The following SYCP2L variants were observed in gnomAD, a reference collection of about 807,000 sequenced individuals.
The protein encoded by SYCP2L is synaptonemal complex protein 2-like.
In SYCP2L, 98 loss-of-function variants were observed where a neutral mutation model predicts 125.8. The observed-to-expected ratio is 0.78, with a 90% CI of 0.66 to 0.92. SYCP2L has a LOEUF of 0.92. SYCP2L is among the 40% of genes least tolerant of loss of function. The pLI, the probability that SYCP2L is intolerant of heterozygous loss-of-function variation, is 0.00. For synonymous variants in SYCP2L, 317 were observed against 325.4 expected (o/e 0.97, Z 0.28); for missense variants, 842 against 936.4 (o/e 0.90, Z 1.32).
At chr6:10,970,432 C>T (rs1581848748) in intron 29 of SYCP2L, among the ~76,000 whole-genome samples, 2 of 152,172 alleles carry the variant, frequency 1.3e-5, no homozygotes, top group East Asian at 3.9e-4. Flanking sequence ...ATTCCAATTG[C>T]AATGAATGGG....
chr6:10,953,065 G>C (rs1006351554), intron 23 of SYCP2L, among the ~76,000 whole-genome samples: 1 of 152,068 alleles, frequency 6.6e-6, no homozygotes, highest in African/African-American at 2.4e-5. Flanking sequence ...TTCAGTTTAT[G>C]AAAGTACTAT....
At chr6:10,895,402 C>T (rs1337149729) in intron 4 of SYCP2L, among the ~76,000 whole-genome samples, 4 of 152,084 alleles carry the variant, frequency 2.6e-5, no homozygotes, top group Non-Finnish European at 5.9e-5. Flanking sequence ...TGGCCGGGGT[C>T]GGGTCGTACA....
intron 14 of SYCP2L, among the ~76,000 whole-genome samples, chr6:10,916,196 T>A (rs1021544516): frequency 3.3e-5 from 5 of 152,204 alleles, no homozygotes; most frequent in African/African-American, 1.2e-4. Context: ...CTGAGTTTAT[T>A]TGGATTTTCT....
intron 21 of SYCP2L, among the ~76,000 whole-genome samples, chr6:10,937,092 A>G (rs1360914951): frequency 6.6e-6 from 1 of 152,240 alleles, no homozygotes; most frequent in Non-Finnish European, 1.5e-5. Context: ...AGATGAATCT[A>G]ACTAACATAT....
intron 2 of SYCP2L, 68 bp downstream of exon 2, chr6:10,891,649 G>GC: frequency 3.7e-6 from 3 of 813,328 alleles, no homozygotes; most frequent in East Asian, 3.0e-5. Context: ...GTGTGTGTGT[G>GC]TGTGTGTGTG....
chr6:10,898,904 T>A (rs1397203818), intron 6 of SYCP2L, 56 bp downstream of exon 6: 2 of 1,089,418 alleles, frequency 1.8e-6, no homozygotes, highest in Non-Finnish European at 2.7e-6. Flanking sequence ...TAGAATATTC[T>A]GGCACAGAGA....
intron 29 of SYCP2L, among the ~76,000 whole-genome samples, chr6:10,971,694 G>GTT (rs151337465): frequency 1.3e-4 from 19 of 151,418 alleles, no homozygotes; most frequent in South Asian, 6.3e-4. Context: ...TTTTGTTTTT[G>GTT]TTTTTTTGAG....
chr6:10,948,181 G>A (rs375769981), intron 23 of SYCP2L, among the ~76,000 whole-genome samples: 4 of 152,046 alleles, frequency 2.6e-5, no homozygotes, highest in East Asian at 3.9e-4. Flanking sequence ...AGTTATCTTT[G>A]TGTGTGTGTA....
intron 14 of SYCP2L, among the ~76,000 whole-genome samples, chr6:10,913,380 C>T (rs1303571526): frequency 6.6e-6 from 1 of 152,172 alleles, no homozygotes; most frequent in Non-Finnish European, 1.5e-5. Context: ...TGCCTGCCCC[C>T]TCTACGGAGA....
chr6:10,887,181 G>A (rs1780087309), intron 1 of SYCP2L, 46 bp downstream of exon 1: 1 of 1,611,000 alleles, frequency 6.2e-7, no homozygotes, highest in Non-Finnish European at 8.5e-7. Flanking sequence ...ACAGTGCTAG[G>A]GCGCGCGAGG....
intron 1 of SYCP2L, among the ~76,000 whole-genome samples, chr6:10,891,284 T>C (rs1451986373): frequency 6.6e-6 from 1 of 152,210 alleles, no homozygotes; most frequent in African/African-American, 2.4e-5. Context: ...TCTGATAGTT[T>C]GTACTGTATT....
intron 8 of SYCP2L, 42 bp from the exon 9 acceptor site, chr6:10,905,978 G>GA: frequency 7.0e-7 from 1 of 1,423,238 alleles, no homozygotes; most frequent in Non-Finnish European, 9.8e-7. Context: ...TTTACCTCTT[G>GA]ATGTTCACTT....
In SYCP2L at chr6:10,956,185, T is replaced by C; in HGVS notation, c.2106T>C (p.Gly702=). 3 of 1,614,040 alleles carry C rather than the reference T, an allele frequency of 1.9e-6. No individual in the cohort carries two copies. Among genetic ancestry groups the C allele is most frequent in the Non-Finnish European group, 2.5e-6 (3 of 1,179,992 alleles). Residue 702 remains glycine, a synonymous_variant, in exon 25 of 30, where the codon GGT becomes GGC. Coordinates refer to ENST00000283141, the MANE Select transcript of SYCP2L (RefSeq NM_001040274.3). ...AAGTTGTGCCAGAGAACTTGAACGG[T>C]TCTGCCATTCTCCCAACCTTTGAAA... ...SLEVVPENLN[G]SAILPTFENF...
chr6:10,907,892 GTTTTTT>G (rs551103839), intron 10 of SYCP2L, among the ~76,000 whole-genome samples: 1 of 91,922 alleles, frequency 1.1e-5, no homozygotes, highest in African/African-American at 4.1e-5. Flanking sequence ...ATACAGATAG[GTTTTTT>G]TTTTTTTTTT....
intron 19 of SYCP2L, 47 bp from the exon 20 acceptor site, chr6:10,931,393 C>T: frequency 6.3e-7 from 1 of 1,598,968 alleles, no homozygotes; most frequent in East Asian, 2.2e-5. Flanking sequence ...ATTTTTATGC[C>T]TCATGAGTTA....
Position 10,961,423 on chromosome 6 carries a change from GA to G in SYCP2L, c.2355+21del. 1 of 1,613,562 alleles carries G rather than the reference GA, an allele frequency of 6.2e-7. No homozygotes were observed. Among genetic ancestry groups the G allele is most frequent in the African/African-American group, 1.3e-5 (1 of 74,996 alleles). On this transcript the variant is annotated intron_variant, in intron 27 of 29. Transcript: ENST00000283141. ...GGTTCTGGTAAGTTCTTTTTGTGTG[GA>G]ACATTTTCTGACTTCGGATCTTTCC...
intron 21 of SYCP2L, among the ~76,000 whole-genome samples, chr6:10,939,262 TA>T: frequency 6.6e-6 from 1 of 152,336 alleles, no homozygotes; most frequent in South Asian, 2.1e-4. Context: ...ATATCCTATG[TA>T]CATGGATTGG....
intron 26 of SYCP2L, among the ~76,000 whole-genome samples, chr6:10,960,726 A>G (rs1310853905): frequency 6.6e-6 from 1 of 151,556 alleles, no homozygotes; most frequent in Non-Finnish European, 1.5e-5. Flanking sequence ...CCCTGGAGTC[A>G]TCTGTCCTTT....
At chr6:10,968,197 A>G (rs947825737) in intron 29 of SYCP2L, among the ~76,000 whole-genome samples, 1 of 152,228 alleles carries the variant, frequency 6.6e-6, no homozygotes, top group Non-Finnish European at 1.5e-5. Context: ...GAGAATCAAG[A>G]CATCTGTGAT....
Sources: allele counts gnomAD v4.1 joint callset (sites outside exome capture counted in the v4.1 genomes callset), GRCh38; gene constraint gnomAD v4.1.1; transcripts MANE v1.5; gene names NCBI Gene and HGNC (gene_info 2026-07-23, HGNC 2026-07-21).